PDGFD: variants seen among roughly 807,000 people sequenced by gnomAD.
The protein encoded by PDGFD is platelet-derived growth factor D.
A neutral mutation model predicts 44.7 loss-of-function variants in PDGFD; 30 were observed. The observed-to-expected ratio is 0.67, with a 90% CI of 0.50 to 0.91. The LOEUF (loss-of-function observed/expected upper bound fraction) is 0.91, where lower values mean the gene tolerates loss of function less well. PDGFD is among the 40% of genes least tolerant of loss of function. The pLI is 0.00. For synonymous variants in PDGFD, 173 were observed against 168.4 expected (o/e 1.03, Z -0.21); for missense variants, 445 against 457.8 (o/e 0.97, Z 0.25).
At chr11:104,114,836 A>G (rs2134455382) in intron 1 of PDGFD, among the ~76,000 whole-genome samples, 1 of 149,730 alleles carries the variant, frequency 6.7e-6, no homozygotes, top group African/African-American at 2.4e-5. Context: ...ATACTTAAGT[A>G]TTTCATTTTG....
At chr11:104,023,569 T>A (rs1355322905) in intron 1 of PDGFD, among the ~76,000 whole-genome samples, 3 of 152,174 alleles carry the variant, frequency 2.0e-5, no homozygotes, top group African/African-American at 7.2e-5. Flanking sequence ...CCATTCTTAG[T>A]AAATTGTACA....
chr11:104,076,509 T>C (rs1163596766), intron 1 of PDGFD, among the ~76,000 whole-genome samples: 1 of 152,206 alleles, frequency 6.6e-6, no homozygotes, highest in African/African-American at 2.4e-5. Context: ...TAATTTCAGT[T>C]CTAATTTATC....
intron 1 of PDGFD, among the ~76,000 whole-genome samples, chr11:104,106,177 G>A (rs1861469510): frequency 1.3e-5 from 2 of 152,106 alleles, no homozygotes; most frequent in South Asian, 4.1e-4. Flanking sequence ...AATAAACTAT[G>A]TAATCTCAAA....
At chr11:104,090,457 CA>C (rs61371463) in intron 1 of PDGFD, among the ~76,000 whole-genome samples, 21,108 of 137,194 alleles carry the variant, frequency 0.15, 1,753 homozygotes, top group African/African-American at 0.26. Context: ...CTGTCTCTAC[CA>C]AAAAAAAAAA....
chr11:103,987,473 G>A (rs980780580), intron 3 of PDGFD, among the ~76,000 whole-genome samples: 1 of 152,142 alleles, frequency 6.6e-6, no homozygotes, highest in African/African-American at 2.4e-5. Context: ...GCAGTAGGAA[G>A]ACTGTGTAAG....
intron 1 of PDGFD, among the ~76,000 whole-genome samples, chr11:104,007,896 T>A (rs1019347192): frequency 6.6e-6 from 1 of 152,190 alleles, no homozygotes; most frequent in Non-Finnish European, 1.5e-5. Flanking sequence ...TGCAAGTCCA[T>A]CATAGAAATA....
At chr11:103,909,876 T>C (rs1426074677) in intron 6 of PDGFD, 57 bp from the exon 7 acceptor site, 1 of 1,606,052 alleles carries the variant, frequency 6.2e-7, no homozygotes, top group South Asian at 1.1e-5. Flanking sequence ...CTCAGTCAGA[T>C]GCCACCTACT....
At chr11:103,935,297 G>T (rs1177274122) in intron 5 of PDGFD, among the ~76,000 whole-genome samples, 1 of 152,152 alleles carries the variant, frequency 6.6e-6, no homozygotes, top group Non-Finnish European at 1.5e-5. Flanking sequence ...ACTGAAAGTT[G>T]TCCCACTGCT....
chr11:103,909,629 C>T lies in PDGFD; in HGVS notation c.*65G>A. 2 of 1,589,586 alleles carry T rather than the reference C, an allele frequency of 1.3e-6. No individual in the cohort carries two copies. The highest frequency in any genetic ancestry group is 1.7e-6 in the Non-Finnish European group (2 of 1,160,092). On this transcript the variant is annotated 3_prime_UTR_variant, in exon 7 of 7. Coordinates refer to ENST00000393158, the MANE Select transcript of PDGFD (RefSeq NM_025208.5). Reference sequence around the variant, plus strand: ...GTTTGGTTGCTGGTAGGAAAAGGGTCTCTTATCTCACCCTCCTTAAACTAA... The same window carrying T: ...GTTTGGTTGCTGGTAGGAAAAGGGTTTCTTATCTCACCCTCCTTAAACTAA...
intron 1 of PDGFD, among the ~76,000 whole-genome samples, chr11:104,141,928 A>G (rs1681464): frequency 0.63 from 96,194 of 152,028 alleles, 30,757 homozygotes; most frequent in African/African-American, 0.73. Flanking sequence ...TGTGCAATTT[A>G]ATCCAGAACT....
At chr11:103,961,761 G>T (rs771992936) in intron 3 of PDGFD, among the ~76,000 whole-genome samples, 3 of 152,240 alleles carry the variant, frequency 2.0e-5, no homozygotes, top group Non-Finnish European at 4.4e-5. Context: ...GAACTTCAAC[G>T]TCACTGCTCT....
At chr11:104,074,009 G>C (rs1156889617) in intron 1 of PDGFD, among the ~76,000 whole-genome samples, 1 of 152,160 alleles carries the variant, frequency 6.6e-6, no homozygotes, top group Non-Finnish European at 1.5e-5. Context: ...ATTTTCCAGT[G>C]ACTTCTGCTT....
intron 1 of PDGFD, among the ~76,000 whole-genome samples, chr11:104,025,799 G>A (rs994742241): frequency 6.6e-6 from 1 of 152,172 alleles, no homozygotes; most frequent in African/African-American, 2.4e-5. Context: ...AAGCATCACA[G>A]AACCACAGTG....
At chr11:103,990,470 T>A (rs1859432294) in intron 3 of PDGFD, among the ~76,000 whole-genome samples, 1 of 152,220 alleles carries the variant, frequency 6.6e-6, no homozygotes, top group Non-Finnish European at 1.5e-5. Flanking sequence ...TTTGAATGTT[T>A]CTATGTATGC....
At chr11:104,035,855 T>C (rs1309238058) in intron 1 of PDGFD, among the ~76,000 whole-genome samples, 1 of 152,150 alleles carries the variant, frequency 6.6e-6, no homozygotes, top group African/African-American at 2.4e-5. Context: ...ATCCAGCTTG[T>C]CTCCTCCTTA....
chr11:104,162,040 G>T (rs1345265805), intron 1 of PDGFD, among the ~76,000 whole-genome samples: 1 of 151,396 alleles, frequency 6.6e-6, no homozygotes. Flanking sequence ...GAAATCCAGG[G>T]TAGTTTTTAA....
At chr11:104,133,625 C>T (rs558193220) in intron 1 of PDGFD, among the ~76,000 whole-genome samples, 3 of 152,302 alleles carry the variant, frequency 2.0e-5, no homozygotes, top group South Asian at 4.1e-4. Flanking sequence ...ACATGTTTCA[C>T]TGTGCCATCC....
chr11:104,037,641 C>G, intron 1 of PDGFD: 9 of 1,614,030 alleles, frequency 5.6e-6, no homozygotes, highest in Non-Finnish European at 7.6e-6. Context: ...AGGCTTGTGC[C>G]GAGCGATGTA....
chr11:104,078,349 T>C (rs985368746), intron 1 of PDGFD, among the ~76,000 whole-genome samples: 1 of 152,180 alleles, frequency 6.6e-6, no homozygotes, highest in African/African-American at 2.4e-5. Context: ...GGTCTCTATA[T>C]ACACCCATCA....
Sources: allele counts gnomAD v4.1 joint callset (sites outside exome capture counted in the v4.1 genomes callset), GRCh38; gene constraint gnomAD v4.1.1; transcripts MANE v1.5; gene names NCBI Gene and HGNC (gene_info 2026-07-23, HGNC 2026-07-21).